GRM7: variants seen among roughly 807,000 people sequenced by gnomAD.
The protein encoded by GRM7 is glutamate metabotropic receptor 7.
Under a neutral mutation model 84.5 loss-of-function variants are expected in GRM7, and 35 were observed. That is an observed-to-expected ratio of 0.41 (90% CI 0.32 to 0.55). The LOEUF (loss-of-function observed/expected upper bound fraction) is 0.55. GRM7 is among the 20% of genes least tolerant of loss of function. The pLI is 0.19. For synonymous variants in GRM7, 487 were observed against 455.1 expected (o/e 1.07, Z -0.89); for missense variants, 1,003 against 1,194.6 (o/e 0.84, Z 2.36).
intron 5 of GRM7, among the ~76,000 whole-genome samples, chr3:7,421,640 C>T (rs2124828431): frequency 6.6e-6 from 1 of 151,870 alleles, no homozygotes; most frequent in African/African-American, 2.4e-5. Context: ...CAGGAATGCA[C>T]CTTGTCCATT....
At chr3:7,223,085 A>G (rs559896332) in intron 2 of GRM7, among the ~76,000 whole-genome samples, 7 of 152,290 alleles carry the variant, frequency 4.6e-5, no homozygotes, top group Non-Finnish European at 1.5e-5. Context: ...CTTGAAATGT[A>G]TATGTTGACT....
intron 1 of GRM7, among the ~76,000 whole-genome samples, chr3:6,984,403 A>G (rs1190176121): frequency 6.6e-6 from 1 of 152,256 alleles, no homozygotes; most frequent in Non-Finnish European, 1.5e-5. Flanking sequence ...CTGATGCATT[A>G]CAATGGCAGT....
intron 1 of GRM7, among the ~76,000 whole-genome samples, chr3:7,111,367 A>G (rs1692845432): frequency 6.6e-6 from 1 of 152,194 alleles, no homozygotes; most frequent in African/African-American, 2.4e-5. Context: ...GCAGAGGTCC[A>G]GATAAGGATT....
At chr3:7,186,139 T>C (rs1695505354) in intron 2 of GRM7, among the ~76,000 whole-genome samples, 1 of 152,226 alleles carries the variant, frequency 6.6e-6, no homozygotes, top group Non-Finnish European at 1.5e-5. Context: ...GCTGACTGTG[T>C]AAACACTAGC....
chr3:6,966,089 G>A (rs1693507019), intron 1 of GRM7, among the ~76,000 whole-genome samples: 1 of 152,192 alleles, frequency 6.6e-6, no homozygotes, highest in African/African-American at 2.4e-5. Context: ...TATACGAAAT[G>A]CCCTTGGGGC....
At chr3:7,146,351 T>G in intron 1 of GRM7, 101 bp from the exon 2 acceptor site, 1 of 903,268 alleles carries the variant, frequency 1.1e-6, no homozygotes, top group Middle Eastern at 3.4e-4. Flanking sequence ...GTATCTCCTT[T>G]GCAGCTCAAA....
rs181996171 is a variant in GRM7, at chr3:6,927,774, A to T, written c.519+65867A>T. 5.3e-5 allele frequency among the ~76,000 whole-genome samples: 8 copies of T among 152,294 alleles called. No individual in the cohort carries two copies. The East Asian group carries it at 1.5e-3, about 29-fold the overall frequency. On this transcript the variant is annotated intron_variant, in intron 1 of 9. Coordinates refer to ENST00000357716, the MANE Select transcript of GRM7 (RefSeq NM_000844.4). ...ACATCATAACATGGCCATTTCCCAT[A>T]TGATCTAGTGTTCTTCATTTAGATA...
At chr3:7,608,092 A>G (rs572727760) in intron 8 of GRM7, 2 of 305,358 alleles carry the variant, frequency 6.5e-6, no homozygotes, top group South Asian at 2.7e-5. Context: ...ACAGTATTCC[A>G]TGGTGTGTAT....
At chr3:7,636,239 AC>A (rs770843191) in intron 8 of GRM7, 1 of 456,668 alleles carries the variant, frequency 2.2e-6, no homozygotes. Flanking sequence ...GTCTTCTCTT[AC>A]CCCACTTCCC....
rs1692962679 is a variant in GRM7 at position 6,954,946 on chromosome 3, T to C, written c.519+93039T>C. 3.3e-5 allele frequency among the ~76,000 whole-genome samples: 5 copies of C among 152,224 alleles called. No individual in the cohort carries two copies. In the South Asian group the frequency reaches 8.3e-4, roughly 25 times the overall value. On this transcript the variant is annotated intron_variant, in intron 1 of 9. Coordinates refer to ENST00000357716, the MANE Select transcript of GRM7 (RefSeq NM_000844.4). ...GTTGCTTTTAACTGCTGAGGCTCAG[T>C]ATTCTCACCAATAAAGTGGGGTTAA... is the stretch of plus-strand genomic sequence containing the variant.
intron 2 of GRM7, among the ~76,000 whole-genome samples, chr3:7,290,401 C>G (rs111462136): frequency 6.6e-6 from 1 of 152,276 alleles, no homozygotes; most frequent in Non-Finnish European, 1.5e-5. Context: ...CTTTAAACCT[C>G]AACATGTCCC....
chr3:7,565,234 G>A (rs1694203874), intron 7 of GRM7, among the ~76,000 whole-genome samples: 1 of 152,144 alleles, frequency 6.6e-6, no homozygotes, highest in South Asian at 2.1e-4. Context: ...AGGTCAGTCT[G>A]TTCTTTCCTT....
chr3:6,957,932 C>T (rs1005827068), intron 1 of GRM7, among the ~76,000 whole-genome samples: 3 of 152,124 alleles, frequency 2.0e-5, no homozygotes, highest in South Asian at 4.1e-4. Flanking sequence ...TATAATATAA[C>T]GTAGAATGGC....
At chr3:6,994,105 A>T (rs1241050846) in intron 1 of GRM7, among the ~76,000 whole-genome samples, 2 of 152,212 alleles carry the variant, frequency 1.3e-5, no homozygotes, top group African/African-American at 4.8e-5. Flanking sequence ...GATATAGAAG[A>T]GGGATATTGA....
chr3:7,383,425 A>G (rs1376267226), intron 4 of GRM7, among the ~76,000 whole-genome samples: 5 of 152,214 alleles, frequency 3.3e-5, no homozygotes, highest in African/African-American at 4.8e-5. Flanking sequence ...GATATTTAAA[A>G]ATGAAACTTG....
chr3:7,661,712 T>G (rs1012105113), intron 8 of GRM7, among the ~76,000 whole-genome samples: 4 of 138,514 alleles, frequency 2.9e-5, no homozygotes, highest in African/African-American at 1.1e-4. Context: ...AAGAATGGGG[T>G]GAACTCGGGA....
chr3:7,487,963 G>A (rs1259073285), intron 7 of GRM7, among the ~76,000 whole-genome samples: 1 of 152,110 alleles, frequency 6.6e-6, no homozygotes, highest in Non-Finnish European at 1.5e-5. Flanking sequence ...CACAGGGGAG[G>A]AGCTGTCTGA....
chr3:7,226,590 A>G (rs1575055139), intron 2 of GRM7, among the ~76,000 whole-genome samples: 1 of 152,230 alleles, frequency 6.6e-6, no homozygotes, highest in East Asian at 1.9e-4. Context: ...GAAGCAAGTC[A>G]CATGATCTAC....
At position 7,415,070 on chromosome 3, in the gene GRM7, A is replaced by G. The variant is rs1362812979; in HGVS notation, c.1081A>G (p.Asn361Asp). 6.2e-7 allele frequency: 1 copy of G among 1,612,696 alleles called. No individual in the cohort carries two copies. The highest frequency in any genetic ancestry group is 1.3e-5 in the African/African-American group (1 of 74,872). ...CCGTACACTTGAAAACAACAGAAGA[A>G]ATGTATGGTTTGCCGAATACTGGGA... is the stretch of plus-strand genomic sequence containing the variant. ...TSRTLENNRR[N>D]VWFAEYWEEN... is the part of the protein sequence containing the mutation. Residue 361 changes from asparagine (N) to aspartate (D), a missense_variant, in exon 5 of 10, where the codon AAT (asparagine) becomes GAT (aspartate). This residue lies in a region of GRM7 where 910 missense variants were observed against 1,126.0 expected (regional missense o/e 0.81). Coordinates refer to ENST00000357716, the MANE Select transcript of GRM7 (RefSeq NM_000844.4).
Sources: gnomAD v4.1 joint callset for allele counts (sites outside exome capture counted in the v4.1 genomes callset) on GRCh38, gnomAD v4.1.1 for gene constraint, gnomAD v4.1.1 regional missense constraint, MANE v1.5 for transcripts, NCBI Gene and HGNC (gene_info 2026-07-23, HGNC 2026-07-21) for gene names.